Variants in TTC39C observed in about 807,000 individuals in gnomAD.
TTC39C encodes tetratricopeptide repeat protein 39C.
In TTC39C, 33 loss-of-function variants were observed where a neutral mutation model predicts 76.3. The ratio of observed to expected loss-of-function variants is 0.43; its 90% CI spans 0.33 to 0.58. TTC39C has a LOEUF of 0.58. Among genes scored for constraint, TTC39C ranks in the 20% least tolerant of loss-of-function variants. TTC39C has a pLI of 0.04. For missense variants in TTC39C, 595 were observed against 701.4 expected, an observed-to-expected ratio of 0.85 and a Z score of 1.71; for synonymous variants, 254 against 260.6, an observed-to-expected ratio of 0.97 and a Z score of 0.24.
upstream of TTC39C, among the ~76,000 whole-genome samples, chr18:24,010,850 CCAGCTTGGACAACA>C (rs1459047745): frequency 1.1e-4 from 17 of 152,138 alleles, no homozygotes; most frequent in East Asian, 3.1e-3. Context: ...GAGTTTGAGA[CCAGCTTGGACAACA>C]CAGCGAAACC....
Position 24,069,142 on chromosome 18 carries a change from C to T in TTC39C, c.346-15C>T. 1 of 1,600,992 alleles carries T rather than the reference C, an allele frequency of 6.2e-7. No individual in the cohort carries two copies. Among genetic ancestry groups the T allele is most frequent in the Non-Finnish European group, 8.6e-7 (1 of 1,168,156 alleles). On this transcript the variant is annotated splice_polypyrimidine_tract_variant and intron_variant, in intron 3 of 13. Transcript: ENST00000317571. ...TGTGTGATTTATCAGTGTGGACATT[C>T]TTTCTGCCAAACAGGTTGATGTCCG...
chr18:24,024,434 G>A (rs1003711458), intron 1 of TTC39C, among the ~76,000 whole-genome samples: 1 of 152,180 alleles, frequency 6.6e-6, no homozygotes, highest in Non-Finnish European at 1.5e-5. Flanking sequence ...AGAAGGCGCT[G>A]CAGAGGAGGA....
chr18:24,093,027 G>A (rs1344270232), intron 6 of TTC39C, among the ~76,000 whole-genome samples: 2 of 152,178 alleles, frequency 1.3e-5, no homozygotes, highest in African/African-American at 4.8e-5. Context: ...GTGAAGGCAC[G>A]AGACCCTGTT....
At chr18:24,057,482 C>T (rs1490121161) in intron 1 of TTC39C, among the ~76,000 whole-genome samples, 1 of 152,054 alleles carries the variant, frequency 6.6e-6, no homozygotes, top group Non-Finnish European at 1.5e-5. Flanking sequence ...AATTGATATT[C>T]CCCCAGAGGT....
chr18:24,048,254 G>A (rs982648526), intron 1 of TTC39C, among the ~76,000 whole-genome samples: 4 of 152,308 alleles, frequency 2.6e-5, no homozygotes, highest in African/African-American at 7.2e-5. Context: ...ACGCATACAC[G>A]TGTGTGCCTT....
intron 6 of TTC39C, among the ~76,000 whole-genome samples, chr18:24,094,448 T>C (rs1248576988): frequency 3.3e-5 from 5 of 152,226 alleles, no homozygotes; most frequent in Admixed American, 1.3e-4. Flanking sequence ...GGTAAATCCT[T>C]TCCAGAGGGT....
Position 24,014,846 on chromosome 18 carries a change from G to C in TTC39C, c.-26G>C, listed in dbSNP as rs926217046. On this transcript the variant is annotated 5_prime_UTR_variant, in exon 1 of 14. Transcript: ENST00000317571. Reference sequence around the variant, plus strand: ...CAGCAGCTGCTCCCGATCTCGCCTCGGCCCAGCGCAGGGCCTCGCACGCCC... The same window carrying C: ...CAGCAGCTGCTCCCGATCTCGCCTCCGCCCAGCGCAGGGCCTCGCACGCCC... 11 of 1,245,862 alleles carry C rather than the reference G, an allele frequency of 8.8e-6. No individual in the cohort carries two copies. In the South Asian group the frequency reaches 3.7e-4, roughly 41 times the overall value. The allele number at this position is 1,245,862 out of a possible 1,614,324, so 77.2% of individuals were successfully genotyped here. A position where few individuals can be genotyped will look rare whatever the true frequency, so the allele number is the denominator to read the frequency against.
intron 1 of TTC39C, among the ~76,000 whole-genome samples, chr18:24,054,658 G>A (rs2083994216): frequency 6.6e-6 from 1 of 152,078 alleles, no homozygotes; most frequent in Admixed American, 6.6e-5. Context: ...ACATTTTTAG[G>A]TCATGATGAT....
chr18:24,067,462 C>T (rs1461721793), intron 3 of TTC39C, among the ~76,000 whole-genome samples: 1 of 152,162 alleles, frequency 6.6e-6, no homozygotes, highest in Non-Finnish European at 1.5e-5. Context: ...AACCAAGCCA[C>T]AGGGCAGGAG....
In TTC39C at chr18:24,030,648, C is replaced by CTTTTTTTTT. The variant is rs1167104790; in HGVS notation, c.167+15623_167+15631dup. Among the ~76,000 whole-genome samples, 223 of 89,008 alleles carry CTTTTTTTTT rather than the reference C, an allele frequency of 2.5e-3. 5 individuals carry two copies. Among genetic ancestry groups the CTTTTTTTTT allele is most frequent in the Non-Finnish European group, 3.2e-3 (159 of 49,482 alleles). The allele number at this position is 89,008 out of a possible 152,430, so 58.4% of individuals were successfully genotyped here. A position where few individuals can be genotyped will look rare whatever the true frequency, so the allele number is the denominator to read the frequency against. Reference sequence around the variant, plus strand: ...TCTCTCAACAGCCCCAAAGATAGGCCTTTTTTTTTTTTTTTTTTTTTGAGA... The same window carrying CTTTTTTTTT: ...TCTCTCAACAGCCCCAAAGATAGGCCTTTTTTTTTTTTTTTTTTTTTTTTTTTTTTGAGA... On this transcript the variant is annotated intron_variant, in intron 1 of 13. Coordinates refer to ENST00000317571, the MANE Select transcript of TTC39C (RefSeq NM_001135993.2).
intron 4 of TTC39C, among the ~76,000 whole-genome samples, chr18:24,070,652 T>C (rs74726331): frequency 2.0e-5 from 3 of 152,082 alleles, no homozygotes; most frequent in Non-Finnish European, 4.4e-5. Context: ...GAGACCAGCC[T>C]GGCCAACATG....
chr18:24,046,102 C>G (rs2145702245), intron 1 of TTC39C, among the ~76,000 whole-genome samples: 2 of 151,162 alleles, frequency 1.3e-5, no homozygotes, highest in South Asian at 4.2e-4. Context: ...CCACACCCAG[C>G]TAATTTTTTG....
intron 1 of TTC39C, among the ~76,000 whole-genome samples, chr18:24,059,539 A>T (rs1022900218): frequency 6.6e-6 from 1 of 152,234 alleles, no homozygotes; most frequent in African/African-American, 2.4e-5. Flanking sequence ...TGCAAAGGAC[A>T]TGATCTTGTT....
At chr18:24,062,667 T>A (rs11874984) in intron 1 of TTC39C, among the ~76,000 whole-genome samples, 4,081 of 152,204 alleles carry the variant, frequency 0.027, 161 homozygotes, top group African/African-American at 0.093. Flanking sequence ...AAAAGCAGAC[T>A]ATTATTAACT....
chr18:24,019,916 G>T, intron 1 of TTC39C: 5 of 1,522,182 alleles, frequency 3.3e-6, no homozygotes, highest in Non-Finnish European at 4.4e-6. Context: ...ACTCAAAGGC[G>T]CTTGTAAGAG....
intron 1 of TTC39C, among the ~76,000 whole-genome samples, chr18:24,052,735 C>G (rs890265160): frequency 1.3e-5 from 2 of 152,076 alleles, no homozygotes; most frequent in Non-Finnish European, 2.9e-5. Flanking sequence ...ATGTTTTAAT[C>G]CTTCCAGGAG....
chr18:24,100,267 T>C (rs2084659892), intron 6 of TTC39C, among the ~76,000 whole-genome samples: 1 of 152,224 alleles, frequency 6.6e-6, no homozygotes, highest in South Asian at 2.1e-4. Flanking sequence ...TTTAATAACC[T>C]GTGTGGAAGG....
At chr18:24,015,165 C>G (rs967531798) in intron 1 of TTC39C, 127 bp downstream of exon 1, 11 of 841,512 alleles carry the variant, frequency 1.3e-5, no homozygotes, top group Non-Finnish European at 1.9e-5. Context: ...GTCCTCAGGT[C>G]TCCTCCCTGG....
intron 1 of TTC39C, among the ~76,000 whole-genome samples, chr18:23,996,673 C>T (rs1417880060): frequency 6.6e-6 from 1 of 152,204 alleles, no homozygotes; most frequent in Non-Finnish European, 1.5e-5. Context: ...CCTACTAAAT[C>T]AGGACTTTTG....
Sources: allele counts gnomAD v4.1 joint callset (sites outside exome capture counted in the v4.1 genomes callset), GRCh38; gene constraint gnomAD v4.1.1; transcripts MANE v1.5; gene names NCBI Gene and HGNC (gene_info 2026-07-23, HGNC 2026-07-21).